The following GOLPH3L variants were observed in gnomAD, a reference collection of about 807,000 sequenced individuals.
GOLPH3L encodes golgi phosphoprotein 3 like.
Under a neutral mutation model 30.3 loss-of-function variants are expected in GOLPH3L, and 22 were observed. The observed-to-expected ratio is 0.73, with a 90% CI of 0.52 to 1.04. The LOEUF (loss-of-function observed/expected upper bound fraction) is 1.04. GOLPH3L is among the 50% of genes least tolerant of loss of function. GOLPH3L has a pLI of 0.00. For missense variants in GOLPH3L, 303 were observed against 345.8 expected (o/e 0.88, Z 0.98); for synonymous variants, 120 against 128.2 (o/e 0.94, Z 0.43).
intron 4 of GOLPH3L, among the ~76,000 whole-genome samples, chr1:150,652,681 T>C (rs1304628478): frequency 6.6e-6 from 1 of 152,040 alleles, no homozygotes; most frequent in Non-Finnish European, 1.5e-5. Context: ...ATAAAGCAAT[T>C]GCACAAAACA....
intron 2 of GOLPH3L, among the ~76,000 whole-genome samples, chr1:150,669,347 T>C (rs1650587561): frequency 6.6e-6 from 1 of 152,162 alleles, no homozygotes; most frequent in Non-Finnish European, 1.5e-5. Context: ...AGGTGCAGAA[T>C]AGCCTGGAGG....
At position 150,681,768 on chromosome 1, in the gene GOLPH3L, G is replaced by C. The variant is rs150118045; in HGVS notation, c.183+12888C>G. Among the ~76,000 whole-genome samples the C allele has an allele frequency of 1.0e-3, 158 of 152,142 alleles. 1 individual carries two copies. The highest frequency in any genetic ancestry group is 3.7e-3 in the African/African-American group (154 of 41,534). On this transcript the variant is annotated intron_variant, in intron 2 of 4. Transcript: ENST00000271732. ...TATGTCTGATTATAATCAATTTTTT[G>C]GTAATTATGCATCTGTGGCTGGGCA...
chr1:150,692,935 G>A (rs1651244975), intron 2 of GOLPH3L, among the ~76,000 whole-genome samples: 2 of 152,142 alleles, frequency 1.3e-5, no homozygotes, highest in Admixed American at 1.3e-4. Flanking sequence ...TATACAGTCA[G>A]TGACTGTTTC....
chr1:150,686,631 A>G (rs1395829831), intron 2 of GOLPH3L, among the ~76,000 whole-genome samples: 1 of 152,234 alleles, frequency 6.6e-6, no homozygotes, highest in East Asian at 1.9e-4. Context: ...ATGTTTTGAA[A>G]ATAAATTATA....
rs1420416623 is a variant in GOLPH3L at position 150,677,275 on chromosome 1, T to C, written c.184-13512A>G. On this transcript the variant is annotated intron_variant, in intron 2 of 4. Transcript: ENST00000271732. Reference sequence around the variant, plus strand: ...TTTTTGAGACAGAGTCTCGCTCCATTGCCCAGGCTGGAGTGCAGTGGTGTG... The same window carrying C: ...TTTTTGAGACAGAGTCTCGCTCCATCGCCCAGGCTGGAGTGCAGTGGTGTG... 2.6e-5 allele frequency among the ~76,000 whole-genome samples: 4 copies of C among 151,074 alleles called. No homozygotes were observed. The East Asian group carries it at 5.9e-4, about 22-fold the overall frequency.
intron 2 of GOLPH3L, among the ~76,000 whole-genome samples, chr1:150,666,534 T>C (rs1391455821): frequency 6.6e-6 from 1 of 151,882 alleles, no homozygotes; most frequent in East Asian, 1.9e-4. Flanking sequence ...GATGGGGTTT[T>C]ATCATGTTGG....
At chr1:150,668,955 A>C (rs1252628344) in intron 2 of GOLPH3L, among the ~76,000 whole-genome samples, 1 of 152,174 alleles carries the variant, frequency 6.6e-6, no homozygotes, top group Non-Finnish European at 1.5e-5. Context: ...GTGACATCAG[A>C]TTGTCAACAA....
chr1:150,671,920 T>G (rs1024228840), intron 2 of GOLPH3L, among the ~76,000 whole-genome samples: 4 of 152,020 alleles, frequency 2.6e-5, no homozygotes, highest in African/African-American at 7.2e-5. Flanking sequence ...TGTGATAAAG[T>G]TGAATGAAAA....
rs925397026 is a variant in GOLPH3L at position 150,648,066 on chromosome 1, G to C, written c.*255C>G. 7.8e-6 allele frequency: 3 copies of C among 386,264 alleles called. No individual in the cohort carries two copies. Among genetic ancestry groups the C allele is most frequent in the African/African-American group, 2.1e-5 (1 of 48,674 alleles). 23.9% of individuals were successfully genotyped at this position (386,264 alleles called of 1,614,324 possible). A position where few individuals can be genotyped will look rare whatever the true frequency, so the allele number is the denominator to read the frequency against. On this transcript the variant is annotated 3_prime_UTR_variant, in exon 5 of 5. Transcript: ENST00000271732. ...TGGGTGAAACTAAACCACCAAATGGGAGAAAATGTTCATTGGGTGTGTGTG... is the reference window on the plus strand; with the variant it reads ...TGGGTGAAACTAAACCACCAAATGGCAGAAAATGTTCATTGGGTGTGTGTG...
At chr1:150,669,655 T>C (rs1571043522) in intron 2 of GOLPH3L, among the ~76,000 whole-genome samples, 1 of 152,016 alleles carries the variant, frequency 6.6e-6, no homozygotes, top group Non-Finnish European at 1.5e-5. Context: ...GATATTCAGA[T>C]AGTGGACTTT....
At chr1:150,684,720 T>G (rs927460556) in intron 2 of GOLPH3L, among the ~76,000 whole-genome samples, 1 of 151,956 alleles carries the variant, frequency 6.6e-6, no homozygotes, top group African/African-American at 2.4e-5. Context: ...CAGACTGTAG[T>G]GCAATGGTGC....
chr1:150,654,383 G>C (rs1018820196), intron 4 of GOLPH3L, among the ~76,000 whole-genome samples: 1 of 151,710 alleles, frequency 6.6e-6, no homozygotes, highest in Non-Finnish European at 1.5e-5. Context: ...GTGGGAGCCT[G>C]TAATCCCTGC....
chr1:150,672,076 C>T (rs1434694100), intron 2 of GOLPH3L, among the ~76,000 whole-genome samples: 3 of 151,628 alleles, frequency 2.0e-5, no homozygotes, highest in Non-Finnish European at 4.4e-5. Flanking sequence ...AAAAAAGAAC[C>T]CCTCCATCTC....
chr1:150,647,664 A>C lies in GOLPH3L; in HGVS notation c.*657T>G, dbSNP rs1192493318. 2 of 152,646 alleles carry C rather than the reference A, an allele frequency of 1.3e-5. No homozygotes were observed. The highest frequency in any genetic ancestry group is 1.5e-5 in the Non-Finnish European group (1 of 68,056). The allele number at this position is 152,646 out of a possible 1,614,324, so 9.5% of individuals were successfully genotyped here. A position where few individuals can be genotyped will look rare whatever the true frequency, so the allele number is the denominator to read the frequency against. On this transcript the variant is annotated 3_prime_UTR_variant, in exon 5 of 5. Transcript: ENST00000271732. ...AGACATTTGCCCTAGTGAATGAGGGAGCAAGAGAATGCTAAGAGGGATGAG... is the reference window on the plus strand; with the variant it reads ...AGACATTTGCCCTAGTGAATGAGGGCGCAAGAGAATGCTAAGAGGGATGAG...
chr1:150,671,872 G>A (rs1404077559), intron 2 of GOLPH3L, among the ~76,000 whole-genome samples: 1 of 149,030 alleles, frequency 6.7e-6, no homozygotes, highest in African/African-American at 2.5e-5. Flanking sequence ...TAAAAAATAT[G>A]CTCATAAGGA....
chr1:150,661,143 G>C (rs1650357939), intron 4 of GOLPH3L, among the ~76,000 whole-genome samples: 1 of 152,138 alleles, frequency 6.6e-6, no homozygotes, highest in Admixed American at 6.6e-5. Context: ...CAGGAGAATT[G>C]CTTGAACCCG....
At chr1:150,653,777 T>C (rs1419484776) in intron 4 of GOLPH3L, among the ~76,000 whole-genome samples, 1 of 150,274 alleles carries the variant, frequency 6.7e-6, no homozygotes, top group East Asian at 2.0e-4. Context: ...TGTTTTTTTT[T>C]TTGAGATGGA....
At chr1:150,665,565 T>G (rs1650480609) in intron 2 of GOLPH3L, among the ~76,000 whole-genome samples, 1 of 152,154 alleles carries the variant, frequency 6.6e-6, no homozygotes, top group African/African-American at 2.4e-5. Flanking sequence ...CTTTTAGAAG[T>G]TATCCTTGAA....
intron 2 of GOLPH3L, among the ~76,000 whole-genome samples, chr1:150,674,599 G>T (rs1650727576): frequency 6.6e-6 from 1 of 151,884 alleles, no homozygotes; most frequent in African/African-American, 2.4e-5. Flanking sequence ...TCTTGGCCTG[G>T]TATGGTGGCT....
Sources: allele counts gnomAD v4.1 joint callset (sites outside exome capture counted in the v4.1 genomes callset), GRCh38; gene constraint gnomAD v4.1.1; transcripts MANE v1.5; gene names NCBI Gene and HGNC (gene_info 2026-07-23, HGNC 2026-07-21).